Variants in CCDC9 observed in about 807,000 individuals in gnomAD.
CCDC9 encodes the protein coiled-coil domain containing 9, also known as coiled-coil domain-containing protein 9.
In CCDC9, 52 loss-of-function variants were observed where a neutral mutation model predicts 65.6. That is an observed-to-expected ratio of 0.79 (90% CI 0.63 to 1.00). CCDC9 has a LOEUF of 1.00. Ranked by LOEUF, CCDC9 falls within the 50% of genes least tolerant of loss-of-function variation. The pLI, the probability that CCDC9 is intolerant of heterozygous loss-of-function variation, is 0.00. For synonymous variants in CCDC9, 332 were observed against 280.3 expected (o/e 1.18, Z -1.84); for missense variants, 834 against 757.2 (o/e 1.10, Z -1.19).
chr19:47,270,431 C>G lies in CCDC9; in HGVS notation c.927C>G (p.Ala309=). 2 of 1,614,216 alleles carry G rather than the reference C, an allele frequency of 1.2e-6. No individual in the cohort carries two copies. The highest frequency in any genetic ancestry group is 8.5e-7 in the Non-Finnish European group (1 of 1,180,030). ...GGTTCAAGGATGGCCCAGTCCCTGC[C>G]CATGAACCATCCCACCGCTATGGTG... ...DGMFKDGPVP[A]HEPSHRYDDQ... is the part of the protein sequence containing the mutation. Residue 309 remains alanine, a synonymous_variant, in exon 9 of 12, where the codon GCC becomes GCG. Transcript: ENST00000221922.
rs926608422 is a variant in CCDC9 at position 47,264,879 on chromosome 19, G to A, written c.653G>A (p.Arg218Gln). The stretch of plus-strand genomic sequence containing the variant: ...CGGGACCGCCGGGAGGAGAGCCGCC[G>A]GCACGGCCGCAACTGGGGGGGCCCC... ...SERDRREESR[R>Q]HGRNWGGPDF... The change falls in exon 7 of 12, where the codon CGG becomes CAG. Residue 218 changes from arginine to glutamine, a missense_variant. Arg to Gln is a conservative substitution (Grantham distance 43). Coordinates refer to ENST00000221922, the MANE Select transcript of CCDC9 (RefSeq NM_015603.3). The A allele has an allele frequency of 6.1e-6, 9 of 1,480,200 alleles. No individual in the cohort carries two copies. Among genetic ancestry groups the A allele is most frequent in the Non-Finnish European group, 8.1e-6 (9 of 1,117,720 alleles). The allele number at this position is 1,480,200 out of a possible 1,614,324, so 91.7% of individuals were successfully genotyped here.
intron 5 of CCDC9, among the ~76,000 whole-genome samples, chr19:47,263,840 A>G (rs1006871226): frequency 1.3e-5 from 2 of 151,828 alleles, no homozygotes; most frequent in Non-Finnish European, 2.9e-5. Flanking sequence ...CTGGGAATAC[A>G]GGCGTGAGCC....
Position 47,271,602 on chromosome 19 carries a change from A to T in CCDC9, c.1520A>T (p.Glu507Val). The change falls in exon 12 of 12, where the codon GAG becomes GTG. Residue 507 changes from glutamate to valine, a missense_variant. Coordinates refer to ENST00000221922, the MANE Select transcript of CCDC9 (RefSeq NM_015603.3). Reference protein sequence around the residue: ...QPVSDWGEEVELNSPRTTHLA... With the variant: ...QPVSDWGEEVVLNSPRTTHLA... ...GTGTCCGATTGGGGTGAAGAGGTGG[A>T]GCTGAATTCTCCCCGGACCACTCAC... 1 of 1,612,162 alleles carries T rather than the reference A, an allele frequency of 6.2e-7. No homozygotes were observed. The highest frequency in any genetic ancestry group is 1.3e-5 in the African/African-American group (1 of 74,798).
In CCDC9 at chr19:47,260,678, GGCCGGGCC is replaced by G; in HGVS notation, c.303_310del (p.Arg102HisfsTer46). ...GGGCCGGACTCCTCCACAGCAGGGA[GGCCGGGCC>G]GGCATGGGCCGAGCATCGCGCAGCT... On this transcript the variant is annotated frameshift_variant, in exon 5 of 12. Transcript: ENST00000221922. LOFTEE classifies it high-confidence loss of function. 1 of 1,542,404 alleles carries G rather than the reference GGCCGGGCC, an allele frequency of 6.5e-7. No homozygotes were observed. Among genetic ancestry groups the G allele is most frequent in the Non-Finnish European group, 8.7e-7 (1 of 1,151,972 alleles).
intron 3 of CCDC9, among the ~76,000 whole-genome samples, 200 bp downstream of exon 3, chr19:47,258,863 T>C (rs2123440870): frequency 6.6e-6 from 1 of 152,058 alleles, no homozygotes; most frequent in East Asian, 1.9e-4. Flanking sequence ...CCAAGATCTT[T>C]ACCAGCCCCA....
downstream of CCDC9, chr19:47,274,927 G>C: frequency 7.5e-7 from 1 of 1,328,440 alleles, no homozygotes; most frequent in Non-Finnish European, 9.5e-7. Flanking sequence ...GGGATGCGGG[G>C]GACCAGCTGC....
chr19:47,275,551 T>G (rs890438224), downstream of CCDC9: 17 of 657,680 alleles, frequency 2.6e-5, no homozygotes, highest in Non-Finnish European at 4.0e-5. Context: ...TCAGGCCGGG[T>G]CCTCCACCAT....
chr19:47,264,837 C>T lies in CCDC9; in HGVS notation c.611C>T (p.Pro204Leu), dbSNP rs1291961610. Residue 204 changes from proline to leucine, a missense_variant, in exon 7 of 12, where the codon CCC becomes CTC. Coordinates refer to ENST00000221922, the MANE Select transcript of CCDC9 (RefSeq NM_015603.3). ...GACGACCCCCGGCGACGCAGCGGGC[C>T]CCTGGAGGAGTCTGAGCGGGACCGC... is the stretch of plus-strand genomic sequence containing the variant. ...FLDDPRRRSG[P>L]LEESERDRRE... is the part of the protein sequence containing the mutation. 9.7e-6 allele frequency: 15 copies of T among 1,548,924 alleles called. No individual in the cohort carries two copies. In the East Asian group the frequency reaches 3.2e-4, roughly 33 times the overall value.
At chr19:47,275,295 C>T (rs1249277804), downstream of CCDC9, 4 of 1,545,996 alleles carry the variant, frequency 2.6e-6, no homozygotes, top group African/African-American at 4.2e-5. Flanking sequence ...CCGTCCGAGC[C>T]GCCAGACACC....
In CCDC9 at chr19:47,260,780, C is replaced by A; in HGVS notation, c.403C>A (p.Arg135=). 5 of 1,613,114 alleles carry A rather than the reference C, an allele frequency of 3.1e-6. No homozygotes were observed. Among genetic ancestry groups the A allele is most frequent in the Non-Finnish European group, 4.2e-6 (5 of 1,179,574 alleles). ...GGGCCGTGGCCGGAGGGGCCGGGGCCGAGGTTCACCTCACCTCTCTGGAGC... is the reference window on the plus strand; with the variant it reads ...GGGCCGTGGCCGGAGGGGCCGGGGCAGAGGTTCACCTCACCTCTCTGGAGC... ...AGGRGRRGRG[R]GSPHLSGAGD... The change falls in exon 5 of 12, where the codon CGA becomes AGA. Residue 135 remains arginine, a synonymous_variant. Coordinates refer to ENST00000221922, the MANE Select transcript of CCDC9 (RefSeq NM_015603.3).
At chr19:47,272,151 G>A, downstream of CCDC9, 1 of 1,235,934 alleles carries the variant, frequency 8.1e-7, no homozygotes, top group Non-Finnish European at 1.0e-6. Context: ...AAGGGTCTGA[G>A]GCAACTCCAG....
chr19:47,260,050 G>A lies in CCDC9; in HGVS notation c.109-271G>A, dbSNP rs544010180. Among the ~76,000 whole-genome samples the A allele has an allele frequency of 6.9e-4, 105 of 152,318 alleles. 1 individual carries two copies. Among genetic ancestry groups the A allele is most frequent in the Non-Finnish European group, 1.4e-3 (93 of 68,038 alleles). ...AAGGAAGCCGGAGTGATCGTGGGGA[G>A]AGGGTGAGAGATGAGGTCGGGGAGG... On this transcript the variant is annotated intron_variant, in intron 3 of 11. Coordinates refer to ENST00000221922, the MANE Select transcript of CCDC9 (RefSeq NM_015603.3).
At chr19:47,269,377 C>CT (rs1455795400) in intron 8 of CCDC9, among the ~76,000 whole-genome samples, 3 of 150,910 alleles carry the variant, frequency 2.0e-5, no homozygotes, top group Admixed American at 6.6e-5. Context: ...TTTTTTGAGA[C>CT]TGAGTCTTGC....
intron 9 of CCDC9, 36 bp downstream of exon 9, chr19:47,270,489 C>A (rs760495782): frequency 7.4e-6 from 12 of 1,614,194 alleles, no homozygotes; most frequent in Non-Finnish European, 1.0e-5. Context: ...GAGGCTCGGT[C>A]TGGGAGTCAG....
chr19:47,264,527 C>T lies in CCDC9; in HGVS notation c.463-76C>T, dbSNP rs901883194. ...TCCGAGGAGAGGAGCCTCAGGCCTG[C>T]TGGGCAGCCCGTCTCCTGCACCGGC... On this transcript the variant is annotated intron_variant, in intron 5 of 11. Transcript: ENST00000221922. The T allele has an allele frequency of 3.6e-6, 5 of 1,400,848 alleles. No individual in the cohort carries two copies. The Admixed American group carries it at 9.9e-5, about 28-fold the overall frequency. The allele number at this position is 1,400,848 out of a possible 1,614,324, so 86.8% of individuals were successfully genotyped here.
At position 47,264,541 on chromosome 19, in the gene CCDC9, T is replaced by C; in HGVS notation, c.463-62T>C. 2.0e-6 allele frequency: 3 copies of C among 1,487,302 alleles called. No individual in the cohort carries two copies. In the Admixed American group the frequency reaches 5.9e-5, roughly 29 times the overall value. 92.1% of individuals were successfully genotyped at this position (1,487,302 alleles called of 1,614,324 possible). On this transcript the variant is annotated intron_variant, in intron 5 of 11. Transcript: ENST00000221922. ...CCTCAGGCCTGCTGGGCAGCCCGTC[T>C]CCTGCACCGGCAGCTTAATAGTTCT...
chr19:47,260,410 G>C lies in CCDC9; in HGVS notation c.198G>C (p.Val66=), dbSNP rs1259527081. The C allele has an allele frequency of 1.9e-6, 3 of 1,608,278 alleles. No individual in the cohort carries two copies. Among genetic ancestry groups the C allele is most frequent in the Non-Finnish European group, 1.7e-6 (2 of 1,177,436 alleles). Residue 66 remains valine (V), a synonymous_variant, in exon 4 of 12, where the codon GTG becomes GTC. Transcript: ENST00000221922. ...RKGRSVEKEN[V]AVESEKNLGP... Reference sequence around the variant, plus strand: ...GCCGCTCAGTGGAGAAGGAGAACGTGGCAGTGGAGTCGGTGAGCTCGTCAC... The same window carrying C: ...GCCGCTCAGTGGAGAAGGAGAACGTCGCAGTGGAGTCGGTGAGCTCGTCAC...
downstream of CCDC9, chr19:47,274,633 G>A (rs1185940756): frequency 4.6e-6 from 1 of 219,668 alleles, no homozygotes; most frequent in Non-Finnish European, 8.1e-6. Flanking sequence ...AGAGAACCGT[G>A]TTGTGGCGGG....
At position 47,264,681 on chromosome 19, in the gene CCDC9, C is replaced by T; in HGVS notation, c.541C>T (p.Gln181Ter). Residue 181 changes from glutamine to a stop codon, truncating the protein, a stop_gained, in exon 6 of 12, where the codon CAG becomes TAG. Transcript: ENST00000221922. LOFTEE classifies it high-confidence loss of function. ...GAAGATCGCCGAGTATGAGCGCAAC[C>T]AGCGGGTCAGTGGTGCGGGTGTCCC... ...MEKIAEYERN[Q>*]REGVLEPNPV... 6.2e-7 allele frequency: 1 copy of T among 1,604,986 alleles called. No individual in the cohort carries two copies. Among genetic ancestry groups the T allele is most frequent in the Non-Finnish European group, 8.5e-7 (1 of 1,175,968 alleles).
Sources: allele counts gnomAD v4.1 joint callset (sites outside exome capture counted in the v4.1 genomes callset), GRCh38; gene constraint gnomAD v4.1.1; transcripts MANE v1.5; gene names NCBI Gene and HGNC (gene_info 2026-07-23, HGNC 2026-07-21).